The following BRCA1 variants were observed in gnomAD, a reference collection of about 807,000 sequenced individuals.
BRCA1 encodes BRCA1 DNA repair associated.
BRCA1 carries 140 observed loss-of-function variants against 173.7 expected under a neutral mutation model. That is an observed-to-expected ratio of 0.81 (90% CI 0.70 to 0.93). The LOEUF (loss-of-function observed/expected upper bound fraction) is 0.93. BRCA1 is among the 40% of genes least tolerant of loss of function. BRCA1 has a pLI of 0.00. For synonymous variants in BRCA1, 662 were observed against 756.0 expected (o/e 0.88, Z 2.04); for missense variants, 1,983 against 2,172.5 (o/e 0.91, Z 1.73).
intron 1 of BRCA1, chr17:43,160,516 T>A (rs2056229401): frequency 6.6e-6 from 1 of 152,174 alleles, no homozygotes; most frequent in Non-Finnish European, 1.5e-5. Flanking sequence ...AATGAGATTT[T>A]CACAATGCTT....
chr17:43,069,246 A>T (rs1190719768), intron 15 of BRCA1, among the ~76,000 whole-genome samples: 2 of 152,372 alleles, frequency 1.3e-5, no homozygotes, highest in East Asian at 3.9e-4. Context: ...GAAACTGTTC[A>T]GTTAGAAGAG....
chr17:43,094,684 ATGAG>A lies in BRCA1; in HGVS notation c.843_846del (p.Ser282TyrfsTer15), dbSNP rs80357919. 1 of 1,613,702 alleles carries A rather than the reference ATGAG, an allele frequency of 6.2e-7. No individual in the cohort carries two copies. The highest frequency in any genetic ancestry group is 8.5e-7 in the Non-Finnish European group (1 of 1,179,744). On this transcript the variant is annotated frameshift_variant, in exon 10 of 23. Transcript: ENST00000357654. LOFTEE classifies it high-confidence loss of function. Reference sequence around the variant, plus strand: ...AATAAACTGCTGTTCTCATGCTGTAATGAGCTGGCATGAGTATTTGTGCCACATG... The same window carrying A: ...AATAAACTGCTGTTCTCATGCTGTAACTGGCATGAGTATTTGTGCCACATG...
rs1262115234 is a variant in BRCA1 at position 43,047,726 on chromosome 17, G to A, written c.5407-23C>T. On this transcript the variant is annotated intron_variant, in intron 21 of 22. Coordinates refer to ENST00000357654, the MANE Select transcript of BRCA1 (RefSeq NM_007294.4). The stretch of plus-strand genomic sequence containing the variant: ...ACCCTGGATCCCCAGGAAGGAAAGA[G>A]CATTCAAAGTGTCAAAGTAGGACTA... 6.2e-7 allele frequency: 1 copy of A among 1,613,594 alleles called. No homozygotes were observed. The highest frequency in any genetic ancestry group is 1.1e-5 in the South Asian group (1 of 91,060).
chr17:43,099,641 C>A, intron 7 of BRCA1, 134 bp downstream of exon 7: 1 of 721,592 alleles, frequency 1.4e-6, no homozygotes, highest in Non-Finnish European at 2.5e-6. Context: ...TTATAACTCA[C>A]CATAGGGCTC....
At chr17:43,082,059 C>A (rs2053024082) in intron 12 of BRCA1, among the ~76,000 whole-genome samples, 1 of 152,206 alleles carries the variant, frequency 6.6e-6, no homozygotes, top group Admixed American at 6.5e-5. Context: ...TGTCTGAGTA[C>A]TTTTTCATAG....
At chr17:43,135,539 G>A (rs2056012629) in intron 1 of BRCA1, among the ~76,000 whole-genome samples, 1 of 152,192 alleles carries the variant, frequency 6.6e-6, no homozygotes, top group South Asian at 2.1e-4. Context: ...GCCTAGTGTA[G>A]GGTCTCTGGC....
intron 1 of BRCA1, among the ~76,000 whole-genome samples, chr17:43,157,198 G>A (rs896829860): frequency 6.6e-6 from 1 of 152,172 alleles, no homozygotes; most frequent in Admixed American, 6.5e-5. Flanking sequence ...TCCAGCAGAA[G>A]GAATTTTAGG....
chr17:43,088,117 G>T (rs544156209), intron 11 of BRCA1, among the ~76,000 whole-genome samples: 1 of 152,262 alleles, frequency 6.6e-6, no homozygotes, highest in South Asian at 2.1e-4. Flanking sequence ...AATACTAAAA[G>T]AATATACACC....
At chr17:43,113,092 C>T (rs2055114057) in intron 3 of BRCA1, among the ~76,000 whole-genome samples, 1 of 152,188 alleles carries the variant, frequency 6.6e-6, no homozygotes, top group South Asian at 2.1e-4. Context: ...CGTGAGCCAC[C>T]GTGCCCGGCC....
At chr17:43,149,692 C>T (rs12936816) in intron 1 of BRCA1, among the ~76,000 whole-genome samples, 48,016 of 152,056 alleles carry the variant, frequency 0.32, 7,916 homozygotes, top group South Asian at 0.49. Context: ...GAAGGCATAG[C>T]CAAATTGGAA....
intron 1 of BRCA1, among the ~76,000 whole-genome samples, chr17:43,152,759 G>A (rs1428524769): frequency 6.6e-6 from 1 of 152,144 alleles, no homozygotes; most frequent in Non-Finnish European, 1.5e-5. Flanking sequence ...GGAGGCTGAG[G>A]CAGGACAATG....
At chr17:43,121,304 G>T (rs531577463) in intron 2 of BRCA1, among the ~76,000 whole-genome samples, 40 of 152,192 alleles carry the variant, frequency 2.6e-4, no homozygotes, top group African/African-American at 8.9e-4. Flanking sequence ...GAACCCGGGA[G>T]GCGGAGCTGG....
chr17:43,075,723 T>C (rs1358413574), intron 13 of BRCA1, among the ~76,000 whole-genome samples: 1 of 152,046 alleles, frequency 6.6e-6, no homozygotes, highest in East Asian at 1.9e-4. Context: ...CCACCACGCC[T>C]GGCCCTCCAG....
chr17:43,137,162 T>G (rs2056031845), intron 1 of BRCA1, among the ~76,000 whole-genome samples: 1 of 151,742 alleles, frequency 6.6e-6, no homozygotes, highest in Non-Finnish European at 1.5e-5. Context: ...ACCATCATTC[T>G]GAGCAAACTA....
intron 4 of BRCA1, 47 bp from the exon 5 acceptor site, chr17:43,105,003 C>T (rs770872146): frequency 4.1e-6 from 6 of 1,453,428 alleles, no homozygotes; most frequent in Admixed American, 3.4e-5. Context: ...TGATTATCAA[C>T]CTTTTAAGGA....
chr17:43,088,159 A>C (rs2053303024), intron 11 of BRCA1, among the ~76,000 whole-genome samples: 1 of 152,206 alleles, frequency 6.6e-6, no homozygotes, highest in South Asian at 2.1e-4. Context: ...GGATAACACA[A>C]ATTACAATTA....
intron 16 of BRCA1, chr17:43,067,255 GT>G (rs34267863): frequency 7.3e-3 from 1,262 of 172,654 alleles, no homozygotes; most frequent in South Asian, 0.011. Context: ...ATTTTTTCAC[GT>G]TTTTTTTTTT....
intron 12 of BRCA1, chr17:43,079,815 C>G (rs2052921061): frequency 1.3e-6 from 1 of 749,678 alleles, no homozygotes; most frequent in African/African-American, 1.8e-5. Flanking sequence ...GACCTTTGGA[C>G]TGTAAAAAAA....
chr17:43,142,643 T>C lies in BRCA1; in HGVS notation c.-19-18528A>G, dbSNP rs867608255. Reference sequence around the variant, plus strand: ...CCATGGATTGCTGGGCTAAATCATATAAGACTGTAAAATGCCTAACCCAGG... The same window carrying C: ...CCATGGATTGCTGGGCTAAATCATACAAGACTGTAAAATGCCTAACCCAGG... On this transcript the variant is annotated intron_variant, in intron 1 of 7. Coordinates refer to the BRCA1 transcript ENST00000634433. The C allele has an allele frequency of 2.0e-5, 3 of 152,248 alleles. 1 individual carries two copies. The South Asian group carries it at 6.2e-4, about 32-fold the overall frequency. The allele number at this position is 152,248 out of a possible 1,614,324, so 9.4% of individuals were successfully genotyped here. A position where few individuals can be genotyped will look rare whatever the true frequency, so the allele number is the denominator to read the frequency against.
Sources: gnomAD v4.1 joint callset for allele counts (sites outside exome capture counted in the v4.1 genomes callset) on GRCh38, gnomAD v4.1.1 for gene constraint, MANE v1.5 for transcripts, NCBI Gene and HGNC (gene_info 2026-07-23, HGNC 2026-07-21) for gene names.